Variants in PRKCA observed in about 807,000 individuals in gnomAD.
The protein encoded by PRKCA is protein kinase C alpha.
Under a neutral mutation model 87.0 loss-of-function variants are expected in PRKCA, and 27 were observed. The ratio of observed to expected loss-of-function variants is 0.31; its 90% CI spans 0.23 to 0.43. The LOEUF (loss-of-function observed/expected upper bound fraction) is 0.43. Ranked by LOEUF, PRKCA falls within the 20% of genes least tolerant of loss-of-function variation. PRKCA has a pLI of 1.00. For synonymous variants in PRKCA, 329 were observed against 311.1 expected (o/e 1.06, Z -0.61); for missense variants, 518 against 852.3 (o/e 0.61, Z 4.88).
At chr17:66,320,083 C>G (rs951801954) in intron 2 of PRKCA, among the ~76,000 whole-genome samples, 1 of 152,116 alleles carries the variant, frequency 6.6e-6, no homozygotes, top group Non-Finnish European at 1.5e-5. Context: ...CTTTGTTGAC[C>G]TTCTTGGTGA....
At chr17:66,477,098 G>A (rs1349324618) in intron 2 of PRKCA, among the ~76,000 whole-genome samples, 1 of 152,050 alleles carries the variant, frequency 6.6e-6, no homozygotes, top group Non-Finnish European at 1.5e-5. Flanking sequence ...CAGGACGAGG[G>A]GCTTCATGCT....
intron 3 of PRKCA, among the ~76,000 whole-genome samples, chr17:66,630,571 C>T (rs1405701813): frequency 6.6e-6 from 1 of 152,214 alleles, no homozygotes; most frequent in Non-Finnish European, 1.5e-5. Context: ...AATGGCATGT[C>T]CCAAATAGCA....
intron 3 of PRKCA, among the ~76,000 whole-genome samples, chr17:66,518,913 C>A (rs1003669923): frequency 6.6e-6 from 1 of 152,136 alleles, no homozygotes; most frequent in African/African-American, 2.4e-5. Flanking sequence ...AGAGTTACTG[C>A]AGGTCATTAT....
intron 3 of PRKCA, among the ~76,000 whole-genome samples, chr17:66,501,797 T>C (rs1280042906): frequency 3.3e-5 from 5 of 152,326 alleles, no homozygotes; most frequent in African/African-American, 4.8e-5. Flanking sequence ...GACTCGGACA[T>C]GGGCAGGTAG....
intron 2 of PRKCA, among the ~76,000 whole-genome samples, chr17:66,343,201 A>C (rs1342648419): frequency 6.6e-6 from 1 of 152,094 alleles, no homozygotes; most frequent in African/African-American, 2.4e-5. Flanking sequence ...TTATGCATAT[A>C]AGTTTAAGTA....
At chr17:66,342,772 T>C (rs576322280) in intron 2 of PRKCA, among the ~76,000 whole-genome samples, 1 of 152,282 alleles carries the variant, frequency 6.6e-6, no homozygotes, top group East Asian at 1.9e-4. Context: ...TTTTTAAATA[T>C]TTTCACCATC....
intron 3 of PRKCA, among the ~76,000 whole-genome samples, chr17:66,588,020 G>A (rs557508719): frequency 6.6e-6 from 1 of 151,124 alleles, no homozygotes; most frequent in African/African-American, 2.4e-5. Context: ...CCAGTCATAT[G>A]TATCTTTAAC....
intron 2 of PRKCA, among the ~76,000 whole-genome samples, chr17:66,386,361 C>T (rs7211558): frequency 0.79 from 120,550 of 152,182 alleles, 48,231 homozygotes; most frequent in South Asian, 0.87. Context: ...AAAAACATGC[C>T]GTGTTTTGCC....
chr17:66,586,638 C>T (rs1969606341), intron 3 of PRKCA, among the ~76,000 whole-genome samples: 1 of 152,186 alleles, frequency 6.6e-6, no homozygotes, highest in South Asian at 2.1e-4. Context: ...TTTATTGATG[C>T]TCAGTAACAG....
In PRKCA at chr17:66,804,707, T is replaced by C. The variant is rs1191425900; in HGVS notation, c.*670T>C. On this transcript the variant is annotated 3_prime_UTR_variant, in exon 17 of 17. Coordinates refer to ENST00000413366, the MANE Select transcript of PRKCA (RefSeq NM_002737.3). ...TGAATCTGTCATCTGGTACCCTCCT[T>C]GGTTGATAACTGTCTTGATACTTTT... The C allele has an allele frequency of 6.5e-6, 1 of 152,782 alleles. No homozygotes were observed. The highest frequency in any genetic ancestry group is 1.5e-5 in the Non-Finnish European group (1 of 68,180). 9.5% of individuals were successfully genotyped at this position (152,782 alleles called of 1,614,324 possible).
chr17:66,643,634 T>C (rs555639139), intron 4 of PRKCA, among the ~76,000 whole-genome samples: 1 of 152,334 alleles, frequency 6.6e-6, no homozygotes, highest in South Asian at 2.1e-4. Context: ...TGTTTGGTTT[T>C]GTTTTAAACT....
chr17:66,411,775 C>A (rs1024067294), intron 2 of PRKCA, among the ~76,000 whole-genome samples: 7 of 152,134 alleles, frequency 4.6e-5, no homozygotes, highest in Non-Finnish European at 1.0e-4. Context: ...GAGTCAGTTT[C>A]ACTTGAGAGT....
At chr17:66,755,142 G>A (rs1974519441) in intron 13 of PRKCA, among the ~76,000 whole-genome samples, 1 of 152,160 alleles carries the variant, frequency 6.6e-6, no homozygotes, top group Non-Finnish European at 1.5e-5. Flanking sequence ...GAGCTTCCTT[G>A]GAAGCATTCC....
At chr17:66,749,636 G>A (rs1974385953) in intron 13 of PRKCA, among the ~76,000 whole-genome samples, 1 of 152,200 alleles carries the variant, frequency 6.6e-6, no homozygotes, top group African/African-American at 2.4e-5. Context: ...GTTGGCTGCT[G>A]TGCCCCTACC....
Position 66,402,098 on chromosome 17 carries a change from C to T in PRKCA, c.206-94103C>T, listed in dbSNP as rs188154845. ...GGGGTGGACCAAGAGGGAGTCGTGT[C>T]TCAGGGGCTGGGGAAAGTAGAAAGG... On this transcript the variant is annotated intron_variant, in intron 2 of 16. Transcript: ENST00000413366. 5.9e-5 allele frequency among the ~76,000 whole-genome samples: 9 copies of T among 152,264 alleles called. No homozygotes were observed. In the East Asian group the frequency reaches 1.5e-3, roughly 26 times the overall value.
intron 3 of PRKCA, among the ~76,000 whole-genome samples, chr17:66,618,955 T>C (rs1970592708): frequency 6.6e-6 from 1 of 150,754 alleles, no homozygotes; most frequent in Admixed American, 6.6e-5. Context: ...CCCCAGGAAA[T>C]AGATGAGGAG....
intron 3 of PRKCA, among the ~76,000 whole-genome samples, chr17:66,513,200 T>C (rs554946123): frequency 6.6e-6 from 1 of 152,280 alleles, no homozygotes; most frequent in Non-Finnish European, 1.5e-5. Flanking sequence ...GCTGGATGAG[T>C]GAATGCATTT....
intron 13 of PRKCA, among the ~76,000 whole-genome samples, chr17:66,755,910 C>CA (rs1286009145): frequency 2.6e-5 from 4 of 152,114 alleles, no homozygotes; most frequent in Non-Finnish European, 4.4e-5. Flanking sequence ...GGTAACAGGG[C>CA]AAACCACTGT....
intron 5 of PRKCA, among the ~76,000 whole-genome samples, chr17:66,673,941 G>T (rs1972257226): frequency 6.6e-6 from 1 of 152,124 alleles, no homozygotes; most frequent in Non-Finnish European, 1.5e-5. Context: ...ACTCCTTTTG[G>T]CCTGGCTTTC....
Sources: allele counts gnomAD v4.1 joint callset (sites outside exome capture counted in the v4.1 genomes callset), GRCh38; gene constraint gnomAD v4.1.1; transcripts MANE v1.5; gene names NCBI Gene and HGNC (gene_info 2026-07-23, HGNC 2026-07-21).